The following SPIDR variants were observed in gnomAD, a reference collection of about 807,000 sequenced individuals.
SPIDR encodes the protein scaffold protein involved in DNA repair, also known as DNA repair-scaffolding protein.
SPIDR carries 93 observed loss-of-function variants against 104.6 expected under a neutral mutation model. The observed-to-expected ratio is 0.89, with a 90% CI of 0.75 to 1.06. The LOEUF is 1.06. SPIDR is among the 50% of genes least tolerant of loss of function. The pLI is 0.00. For missense variants in SPIDR, 1,154 were observed against 1,111.2 expected, an observed-to-expected ratio of 1.04 and a Z score of -0.55; for synonymous variants, 431 against 416.9, an observed-to-expected ratio of 1.03 and a Z score of -0.41.
At chr8:47,280,917 T>A (rs915219097) in intron 2 of SPIDR, among the ~76,000 whole-genome samples, 5 of 152,208 alleles carry the variant, frequency 3.3e-5, no homozygotes, top group Non-Finnish European at 7.3e-5. Context: ...AAGAATGTTC[T>A]CAGAAGATGA....
At chr8:47,609,067 T>C (rs1258573586) in intron 10 of SPIDR, among the ~76,000 whole-genome samples, 1 of 152,252 alleles carries the variant, frequency 6.6e-6, no homozygotes, top group East Asian at 1.9e-4. Context: ...GTATATCTTC[T>C]TTAGAGAAAT....
intron 8 of SPIDR, among the ~76,000 whole-genome samples, chr8:47,591,655 A>G (rs940292840): frequency 2.6e-5 from 4 of 152,120 alleles, no homozygotes; most frequent in African/African-American, 9.7e-5. Context: ...CATCTACAGC[A>G]TCTAAATAAA....
At chr8:47,318,320 G>A (rs1018763670) in intron 5 of SPIDR, among the ~76,000 whole-genome samples, 2 of 151,956 alleles carry the variant, frequency 1.3e-5, no homozygotes, top group African/African-American at 4.8e-5. Flanking sequence ...TAGCCGATTC[G>A]ATCAACTGGA....
intron 8 of SPIDR, among the ~76,000 whole-genome samples, chr8:47,540,296 G>A (rs903167795): frequency 6.6e-6 from 1 of 152,024 alleles, no homozygotes; most frequent in Non-Finnish European, 1.5e-5. Flanking sequence ...AAATATTGAT[G>A]TCATCCAAAA....
intron 10 of SPIDR, among the ~76,000 whole-genome samples, chr8:47,601,899 AAG>A (rs2062344836): frequency 6.6e-6 from 1 of 152,204 alleles, no homozygotes; most frequent in Admixed American, 6.5e-5. Context: ...CTTTGGGTAC[AAG>A]AAGATCTGAT....
At chr8:47,509,570 A>G (rs2082006900) in intron 8 of SPIDR, among the ~76,000 whole-genome samples, 1 of 152,162 alleles carries the variant, frequency 6.6e-6, no homozygotes, top group African/African-American at 2.4e-5. Context: ...TATACCTTGG[A>G]TATCTTTCTC....
At chr8:47,278,832 A>G (rs1344910419) in intron 1 of SPIDR, among the ~76,000 whole-genome samples, 1 of 151,922 alleles carries the variant, frequency 6.6e-6, no homozygotes, top group Non-Finnish European at 1.5e-5. Flanking sequence ...CCTGTTGCTT[A>G]TTTTTATGTC....
intron 8 of SPIDR, among the ~76,000 whole-genome samples, chr8:47,449,411 A>G (rs1304589552): frequency 6.6e-6 from 1 of 152,322 alleles, no homozygotes; most frequent in East Asian, 1.9e-4. Context: ...GGTTTTTAGT[A>G]TAACCCATGT....
intron 7 of SPIDR, among the ~76,000 whole-genome samples, chr8:47,417,689 G>GTCCTT (rs1370467606): frequency 2.6e-5 from 4 of 152,188 alleles, no homozygotes; most frequent in Non-Finnish European, 5.9e-5. Flanking sequence ...TAGACGTGAA[G>GTCCTT]TCCTTGCCCA....
At chr8:47,337,172 G>C (rs1055377509) in intron 5 of SPIDR, among the ~76,000 whole-genome samples, 1 of 152,110 alleles carries the variant, frequency 6.6e-6, no homozygotes, top group African/African-American at 2.4e-5. Context: ...CTATCACCCA[G>C]GCTGGAGTGC....
intron 5 of SPIDR, among the ~76,000 whole-genome samples, chr8:47,353,176 A>G (rs782708340): frequency 5.9e-5 from 9 of 152,188 alleles, no homozygotes; most frequent in Admixed American, 1.3e-4. Flanking sequence ...GGTGGGAGTC[A>G]AAATAATTAA....
intron 7 of SPIDR, among the ~76,000 whole-genome samples, chr8:47,433,478 C>T (rs894441814): frequency 2.4e-4 from 4 of 16,330 alleles, no homozygotes; most frequent in African/African-American, 8.4e-4. Context: ...AGGCTCCAGC[C>T]GACCACATTT....
chr8:47,502,500 T>A (rs1477765739), intron 8 of SPIDR, among the ~76,000 whole-genome samples: 1 of 152,230 alleles, frequency 6.6e-6, no homozygotes, highest in Non-Finnish European at 1.5e-5. Flanking sequence ...CCTTTATCAT[T>A]TTTTATTGCG....
At chr8:47,481,474 T>TA (rs1183645537) in intron 8 of SPIDR, among the ~76,000 whole-genome samples, 4 of 152,048 alleles carry the variant, frequency 2.6e-5, no homozygotes, top group South Asian at 2.1e-4. Flanking sequence ...CCGTCTCTAC[T>TA]AAAAAAAGAT....
At chr8:47,272,883 T>C (rs1349968750) in intron 1 of SPIDR, among the ~76,000 whole-genome samples, 4 of 152,348 alleles carry the variant, frequency 2.6e-5, no homozygotes, top group Middle Eastern at 3.4e-3. Flanking sequence ...ATAATATACA[T>C]ATGTAACTTA....
intron 8 of SPIDR, among the ~76,000 whole-genome samples, chr8:47,544,555 T>C (rs1220572763): frequency 6.6e-6 from 1 of 152,246 alleles, no homozygotes; most frequent in Non-Finnish European, 1.5e-5. Context: ...TTTTGGTTTT[T>C]CTGTTTTTTG....
At position 47,615,071 on chromosome 8, in the gene SPIDR, AT is replaced by A. The variant is rs879305298; in HGVS notation, c.1544+15889del. ...TGTCCTTTGATACACAGAAGTTTTA[AT>A]TTTTTTTTTTTTTAAAGAGACAGGG... On this transcript the variant is annotated intron_variant, in intron 10 of 19. Coordinates refer to ENST00000297423, the MANE Select transcript of SPIDR (RefSeq NM_001080394.4). Among the ~76,000 whole-genome samples the A allele has an allele frequency of 3.5e-3, 504 of 144,164 alleles. 1 individual carries two copies. The highest frequency in any genetic ancestry group is 4.8e-3 in the South Asian group (22 of 4,574). 94.6% of individuals were successfully genotyped at this position (144,164 alleles called of 152,430 possible). A position where few individuals can be genotyped will look rare whatever the true frequency, so the allele number is the denominator to read the frequency against.
At position 47,279,887 on chromosome 8, in the gene SPIDR, G is replaced by C; in HGVS notation, c.59G>C (p.Cys20Ser). ...AGAAAAAGGAGTTGGAATACAGAAT[G>C]CCCATCCTTTCCAGGAGAAAGACCA... ...SKRKRSWNTE[C>S]PSFPGERPLQ... The change falls in exon 2 of 20, where the codon TGC becomes TCC. Residue 20 changes from cysteine to serine, a missense_variant. Coordinates refer to ENST00000297423, the MANE Select transcript of SPIDR (RefSeq NM_001080394.4). 2 of 1,613,556 alleles carry C rather than the reference G, an allele frequency of 1.2e-6. No homozygotes were observed. The highest frequency in any genetic ancestry group is 1.7e-6 in the Non-Finnish European group (2 of 1,179,758).
chr8:47,653,759 A>G (rs532567061), intron 10 of SPIDR, among the ~76,000 whole-genome samples: 5 of 152,184 alleles, frequency 3.3e-5, no homozygotes, highest in Non-Finnish European at 7.4e-5. Flanking sequence ...GTACATACGG[A>G]ATAAGAAATA....
Sources: gnomAD v4.1 joint callset for allele counts (sites outside exome capture counted in the v4.1 genomes callset) on GRCh38, gnomAD v4.1.1 for gene constraint, MANE v1.5 for transcripts, NCBI Gene and HGNC (gene_info 2026-07-23, HGNC 2026-07-21) for gene names.